Variants in NUBPL observed in about 807,000 individuals in gnomAD.
NUBPL encodes the protein NUBP iron-sulfur cluster assembly factor, mitochondrial, also known as iron-sulfur cluster transfer protein NUBPL.
A neutral mutation model predicts 45.7 loss-of-function variants in NUBPL; 31 were observed. The observed-to-expected ratio is 0.68, with a 90% confidence interval of 0.51 to 0.92. The LOEUF is 0.92. NUBPL is among the 40% of genes least tolerant of loss of function. The pLI, the probability that NUBPL is intolerant of heterozygous loss-of-function variation, is 0.00. For missense variants in NUBPL, 401 were observed against 398.7 expected (o/e 1.01, Z -0.05); for synonymous variants, 144 against 140.9 (o/e 1.02, Z -0.15).
intron 6 of NUBPL, among the ~76,000 whole-genome samples, chr14:31,730,710 T>A (rs750603067): frequency 1.3e-5 from 2 of 152,022 alleles, no homozygotes; most frequent in Non-Finnish European, 2.9e-5. Flanking sequence ...TCATGATCCA[T>A]CCACCTTGGC....
At chr14:31,614,264 G>T (rs1318200841) in intron 4 of NUBPL, among the ~76,000 whole-genome samples, 2 of 152,128 alleles carry the variant, frequency 1.3e-5, no homozygotes, top group African/African-American at 2.4e-5. Context: ...ACAATAGCAG[G>T]ATTATTCTTA....
intron 8 of NUBPL, among the ~76,000 whole-genome samples, chr14:31,827,403 A>C (rs8018901): frequency 0.35 from 53,183 of 151,452 alleles, 10,045 homozygotes; most frequent in South Asian, 0.44. Flanking sequence ...GACCAGAGAG[A>C]AATATCTTCC....
intron 6 of NUBPL, among the ~76,000 whole-genome samples, chr14:31,783,563 G>C (rs916917509): frequency 6.7e-6 from 1 of 150,320 alleles, no homozygotes; most frequent in Non-Finnish European, 1.5e-5. Flanking sequence ...TGTCACCCAG[G>C]GTGGAATGCA....
chr14:31,766,736 C>G (rs1462205976), intron 6 of NUBPL, among the ~76,000 whole-genome samples: 3 of 152,180 alleles, frequency 2.0e-5, no homozygotes, highest in Non-Finnish European at 4.4e-5. Flanking sequence ...TCAGGTAACA[C>G]AAATACAAAT....
intron 2 of NUBPL, chr14:31,562,778 T>G (rs2033332882): frequency 6.6e-6 from 1 of 152,470 alleles, no homozygotes; most frequent in Admixed American, 6.6e-5. Flanking sequence ...CTAATTTTTT[T>G]TTTGTATTTT....
At chr14:31,634,410 A>G (rs1413581642) in intron 4 of NUBPL, among the ~76,000 whole-genome samples, 1 of 151,862 alleles carries the variant, frequency 6.6e-6, no homozygotes, top group African/African-American at 2.4e-5. Context: ...CCTACAAAGG[A>G]CATGAACTCA....
intron 4 of NUBPL, among the ~76,000 whole-genome samples, chr14:31,668,988 C>A (rs957597655): frequency 6.6e-6 from 1 of 152,114 alleles, no homozygotes. Flanking sequence ...CCTATTTGCC[C>A]ATCTTGCCCT....
chr14:31,791,074 T>A (rs146311232), intron 7 of NUBPL, among the ~76,000 whole-genome samples: 2 of 150,800 alleles, frequency 1.3e-5, no homozygotes, highest in African/African-American at 4.9e-5. Flanking sequence ...TTCAAGACCA[T>A]CCTGGGCAAT....
At chr14:31,593,500 C>G (rs2034201093) in intron 3 of NUBPL, among the ~76,000 whole-genome samples, 2 of 108,752 alleles carry the variant, frequency 1.8e-5, no homozygotes, top group Admixed American at 3.1e-4. Context: ...GGCGACAGAG[C>G]GAGCTTCCGT....
At chr14:31,827,410 T>C (rs1040903233) in intron 8 of NUBPL, among the ~76,000 whole-genome samples, 13 of 151,630 alleles carry the variant, frequency 8.6e-5, no homozygotes, top group African/African-American at 3.1e-4. Context: ...GAGAAATATC[T>C]TCCCTAGGTT....
chr14:31,847,253 G>A (rs2040468021), intron 9 of NUBPL, among the ~76,000 whole-genome samples: 1 of 152,212 alleles, frequency 6.6e-6, no homozygotes. Context: ...ACATTAAAAT[G>A]TCTGTTCCGT....
intron 6 of NUBPL, among the ~76,000 whole-genome samples, chr14:31,717,822 G>C (rs1202437661): frequency 1.3e-5 from 2 of 151,532 alleles, no homozygotes; most frequent in Non-Finnish European, 2.9e-5. Flanking sequence ...CCCGACTACT[G>C]AACCTGACAA....
intron 4 of NUBPL, among the ~76,000 whole-genome samples, chr14:31,606,361 C>T (rs1206006878): frequency 6.6e-6 from 1 of 151,972 alleles, no homozygotes; most frequent in South Asian, 2.1e-4. Flanking sequence ...CAAAGTGCTG[C>T]GATTACAGGG....
At chr14:31,564,937 T>A (rs1289706747) in intron 2 of NUBPL, 77 bp from the exon 3 acceptor site, 1 of 768,116 alleles carries the variant, frequency 1.3e-6, no homozygotes, top group Non-Finnish European at 2.2e-6. Flanking sequence ...AAAAATTACA[T>A]GAAAATATTA....
At chr14:31,783,719 T>C (rs1432985732) in intron 6 of NUBPL, among the ~76,000 whole-genome samples, 4 of 152,164 alleles carry the variant, frequency 2.6e-5, no homozygotes, top group African/African-American at 7.2e-5. Flanking sequence ...GGTTTCACCA[T>C]GTTGGCTAGG....
intron 6 of NUBPL, among the ~76,000 whole-genome samples, chr14:31,753,211 A>G (rs1053818645): frequency 6.6e-6 from 1 of 152,168 alleles, no homozygotes. Flanking sequence ...GGCCCTGAGT[A>G]GGTACATGTA....
chr14:31,755,583 A>G (rs75897222), intron 6 of NUBPL, among the ~76,000 whole-genome samples: 64,242 of 151,420 alleles, frequency 0.42, 16,355 homozygotes, highest in East Asian at 0.6. Flanking sequence ...AGTTCATTGT[A>G]GATTCTGGAT....
At chr14:31,700,884 C>G (rs1004518175) in intron 6 of NUBPL, among the ~76,000 whole-genome samples, 2 of 152,182 alleles carry the variant, frequency 1.3e-5, no homozygotes, top group East Asian at 1.9e-4. Flanking sequence ...GTGCTGCCCC[C>G]TGCTCCAGGG....
Position 31,786,575 on chromosome 14 carries a change from C to A in NUBPL, c.514-1205C>A, listed in dbSNP as rs575393019. ...TATCTCTGTCTCTGTATTGTAACTT[C>A]TGTGAGGGCAGGAATCATGATACCA... On this transcript the variant is annotated intron_variant, in intron 6 of 10. Transcript: ENST00000281081. Among the ~76,000 whole-genome samples the A allele has an allele frequency of 7.2e-5, 11 of 152,170 alleles. No individual in the cohort carries two copies. In the South Asian group the frequency reaches 2.3e-3, roughly 32 times the overall value.
Sources: gnomAD v4.1 joint callset for allele counts (sites outside exome capture counted in the v4.1 genomes callset) on GRCh38, gnomAD v4.1.1 for gene constraint, MANE v1.5 for transcripts, NCBI Gene and HGNC (gene_info 2026-07-23, HGNC 2026-07-21) for gene names.